CWC27: variants seen among roughly 807,000 people sequenced by gnomAD.
CWC27 encodes the protein spliceosome-associated protein CWC27 homolog.
A neutral mutation model predicts 63.6 loss-of-function variants in CWC27; 47 were observed. The ratio of observed to expected loss-of-function variants is 0.74; its 90% confidence interval spans 0.58 to 0.94. The LOEUF (loss-of-function observed/expected upper bound fraction) is 0.94. Among genes scored for constraint, CWC27 ranks in the 40% least tolerant of loss-of-function variants. The pLI, the probability that CWC27 is intolerant of heterozygous loss-of-function variation, is 0.00. For missense variants in CWC27, 495 were observed against 554.3 expected (o/e 0.89, Z 1.07); for synonymous variants, 175 against 179.8 (o/e 0.97, Z 0.22).
intron 13 of CWC27, among the ~76,000 whole-genome samples, chr5:64,981,110 G>T (rs1048881436): frequency 6.6e-6 from 1 of 151,780 alleles, no homozygotes; most frequent in African/African-American, 2.4e-5. Flanking sequence ...ACAAAAAAAT[G>T]TTCACTGTGG....
At chr5:64,918,388 T>C (rs1466317733) in intron 11 of CWC27, among the ~76,000 whole-genome samples, 1 of 152,172 alleles carries the variant, frequency 6.6e-6, no homozygotes, top group African/African-American at 2.4e-5. Flanking sequence ...CAATGTATTA[T>C]ATCCTCGAAT....
At chr5:64,861,035 G>C (rs1746400153) in intron 10 of CWC27, among the ~76,000 whole-genome samples, 1 of 152,120 alleles carries the variant, frequency 6.6e-6, no homozygotes, top group Non-Finnish European at 1.5e-5. Flanking sequence ...TCCTCAAATG[G>C]TTAGGAGCTG....
intron 7 of CWC27, among the ~76,000 whole-genome samples, chr5:64,796,857 CTTCT>C (rs1191487600): frequency 7.4e-6 from 1 of 134,960 alleles, no homozygotes; most frequent in Non-Finnish European, 1.6e-5. Flanking sequence ...CCCTCCCTCC[CTTCT>C]TTCCTCCTTC....
intron 12 of CWC27, among the ~76,000 whole-genome samples, chr5:64,975,077 A>T (rs1749203709): frequency 6.6e-6 from 1 of 152,214 alleles, no homozygotes; most frequent in Non-Finnish European, 1.5e-5. Context: ...CCCAAAACTC[A>T]TCTCATTCAG....
intron 10 of CWC27, among the ~76,000 whole-genome samples, chr5:64,834,386 T>G (rs1745604249): frequency 6.6e-6 from 1 of 151,680 alleles, no homozygotes; most frequent in South Asian, 2.1e-4. Flanking sequence ...TTCTTTCTTT[T>G]TTAAACTAAG....
chr5:64,807,637 A>T (rs1311704559), intron 10 of CWC27: 2 of 1,535,868 alleles, frequency 1.3e-6, no homozygotes, highest in South Asian at 2.4e-5. Context: ...TACTGGATAC[A>T]GCTCAGCAGA....
intron 10 of CWC27, among the ~76,000 whole-genome samples, chr5:64,858,125 G>A (rs1407394781): frequency 7.1e-5 from 6 of 84,498 alleles, no homozygotes; most frequent in Non-Finnish European, 1.1e-4. Flanking sequence ...GCGACAGAGC[G>A]AGACTCCGTC....
chr5:64,879,606 A>C (rs1261541921), intron 10 of CWC27, among the ~76,000 whole-genome samples: 2 of 151,902 alleles, frequency 1.3e-5, no homozygotes, highest in Non-Finnish European at 2.9e-5. Flanking sequence ...GATGTTCAAC[A>C]AAGTTGGATT....
intron 12 of CWC27, among the ~76,000 whole-genome samples, chr5:64,973,525 T>A (rs1749164355): frequency 6.6e-6 from 1 of 152,224 alleles, no homozygotes. Context: ...GGAAAAGCCA[T>A]AACTGAATAA....
chr5:64,866,982 C>T lies in CWC27; in HGVS notation c.939-18461C>T, dbSNP rs1040121150. On this transcript the variant is annotated intron_variant, in intron 10 of 13. Coordinates refer to ENST00000381070, the MANE Select transcript of CWC27 (RefSeq NM_005869.4). Reference sequence around the variant, plus strand: ...GACACTTTTGCTTTGACATTTTCTACGTGAATATGTATAAACATTTCACAC... The same window carrying T: ...GACACTTTTGCTTTGACATTTTCTATGTGAATATGTATAAACATTTCACAC... Among the ~76,000 whole-genome samples the T allele has an allele frequency of 5.3e-5, 8 of 151,966 alleles. No homozygotes were observed. In the East Asian group the frequency reaches 9.6e-4, roughly 18 times the overall value.
chr5:64,998,896 T>C (rs1749684752), intron 13 of CWC27, among the ~76,000 whole-genome samples: 1 of 152,030 alleles, frequency 6.6e-6, no homozygotes, highest in Non-Finnish European at 1.5e-5. Context: ...ACCATTTGTA[T>C]CTGCATTTTT....
Position 64,815,468 on chromosome 5 carries a change from G to A in CWC27, c.938+11082G>A, listed in dbSNP as rs533499134. 1.6e-4 allele frequency among the ~76,000 whole-genome samples: 24 copies of A among 152,292 alleles called. No homozygotes were observed. The East Asian group carries it at 2.1e-3, about 13-fold the overall frequency. On this transcript the variant is annotated intron_variant, in intron 10 of 13. Transcript: ENST00000381070. ...TTCACTGGCCAAAGCAAGTTATATC[G>A]TTAAGCCTGATGTCAATAGGATGAA...
intron 10 of CWC27, among the ~76,000 whole-genome samples, chr5:64,865,384 T>C (rs1055413647): frequency 6.6e-6 from 1 of 152,096 alleles, no homozygotes; most frequent in Admixed American, 6.6e-5. Flanking sequence ...AGTTCCATAG[T>C]AGAAGTTAGT....
intron 11 of CWC27, among the ~76,000 whole-genome samples, chr5:64,901,507 G>A (rs1747510375): frequency 6.6e-6 from 1 of 151,706 alleles, no homozygotes; most frequent in African/African-American, 2.4e-5. Flanking sequence ...TACCTGTATA[G>A]GCACTTATCA....
chr5:64,799,576 C>T (rs1744408448), intron 7 of CWC27, among the ~76,000 whole-genome samples: 2 of 86,540 alleles, frequency 2.3e-5, no homozygotes, highest in Admixed American at 1.8e-4. Flanking sequence ...CAGAGTGAGA[C>T]TCCATCTCAA....
intron 10 of CWC27, among the ~76,000 whole-genome samples, chr5:64,860,689 AACTGTGTTTTAAAGTTAT>A (rs1377502664): frequency 6.6e-6 from 1 of 152,214 alleles, no homozygotes; most frequent in Non-Finnish European, 1.5e-5. Flanking sequence ...TTGCATATAT[AACTGTGTTTTAAAGTTAT>A]ACTGTAAACA....
chr5:64,872,854 T>C (rs1483273096), intron 10 of CWC27, among the ~76,000 whole-genome samples: 1 of 152,132 alleles, frequency 6.6e-6, no homozygotes, highest in African/African-American at 2.4e-5. Flanking sequence ...CAACAAAATT[T>C]CTCCTCTTCC....
Position 64,898,555 on chromosome 5 carries a change from G to C in CWC27, c.1042+13009G>C, listed in dbSNP as rs576475522. Among the ~76,000 whole-genome samples the C allele has an allele frequency of 2.6e-5, 4 of 152,210 alleles. No individual in the cohort carries two copies. In the East Asian group the frequency reaches 7.7e-4, roughly 29 times the overall value. ...TTTTCCCAGATGTCCTTCTAATGCA[G>C]AGAAAGCAAGATCTAGTTGCTACGT... On this transcript the variant is annotated intron_variant, in intron 11 of 13. Coordinates refer to ENST00000381070, the MANE Select transcript of CWC27 (RefSeq NM_005869.4).
In CWC27 at chr5:64,769,087, T is replaced by C. The variant is rs2290821; in HGVS notation, c.-60T>C. 1,917 of 1,450,522 alleles carry C rather than the reference T, an allele frequency of 1.3e-3. 53 individuals carry two copies. The East Asian group carries it at 0.043, about 32-fold the overall frequency. The allele number at this position is 1,450,522 out of a possible 1,614,324, so 89.9% of individuals were successfully genotyped here. ...GAGTGTACTCGTAGGCGGACAGCTT[T>C]AGTGGCCGGCCGGCCGCTCTCATCC... On this transcript the variant is annotated 5_prime_UTR_variant, in exon 1 of 14. Coordinates refer to ENST00000381070, the MANE Select transcript of CWC27 (RefSeq NM_005869.4).
Sources: allele counts gnomAD v4.1 joint callset (sites outside exome capture counted in the v4.1 genomes callset), GRCh38; gene constraint gnomAD v4.1.1; transcripts MANE v1.5; gene names NCBI Gene and HGNC (gene_info 2026-07-23, HGNC 2026-07-21).